The following CELF2 variants were observed in gnomAD, a reference collection of about 807,000 sequenced individuals.
The protein encoded by CELF2 is CUGBP Elav-like family member 2, also known as CUG triplet repeat RNA-binding protein 2.
In CELF2, 8 loss-of-function variants were observed where a neutral mutation model predicts 62.6. That is an observed-to-expected ratio of 0.13 (90% confidence interval 0.07 to 0.23). The LOEUF is 0.23. Ranked by LOEUF, CELF2 falls within the 10% of genes least tolerant of loss-of-function variation. The probability of loss-of-function intolerance (pLI) is 1.00; values close to 1 mark genes in which losing one functional copy is unlikely to be tolerated. For missense variants in CELF2, 333 were observed against 671.0 expected, an observed-to-expected ratio of 0.50 and a Z score of 5.56; for synonymous variants, 258 against 250.0, an observed-to-expected ratio of 1.03 and a Z score of -0.30.
chr10:10,748,735 G>A, the CELF2 span, among the ~76,000 whole-genome samples: 27 of 121,566 alleles, frequency 2.2e-4, no homozygotes, highest in Admixed American at 1.7e-3. Flanking sequence ...GTGACAGAGC[G>A]AGACTCTGTC....
chr10:10,775,050 G>A, the CELF2 span, among the ~76,000 whole-genome samples: 1 of 151,854 alleles, frequency 6.6e-6, no homozygotes, highest in Admixed American at 6.6e-5. Flanking sequence ...GCTAATTTTT[G>A]TATTTTCAGT....
the CELF2 span, among the ~76,000 whole-genome samples, chr10:10,605,775 C>A: frequency 1.3e-5 from 2 of 152,234 alleles, no homozygotes; most frequent in Non-Finnish European, 1.5e-5. Context: ...TGAGAAACAG[C>A]AAAGTCATAT....
chr10:10,582,718 G>T, the CELF2 span, among the ~76,000 whole-genome samples: 19 of 152,092 alleles, frequency 1.2e-4, no homozygotes, highest in African/African-American at 4.1e-4. Flanking sequence ...TTATTTCATG[G>T]TGTTTTTCCC....
At chr10:10,818,223 A>G (rs1245670553) in intron 1 of CELF2, among the ~76,000 whole-genome samples, 12 of 152,186 alleles carry the variant, frequency 7.9e-5, no homozygotes, top group Admixed American at 7.9e-4. Flanking sequence ...CAAGGCCTCC[A>G]GGAACTCCTC....
the CELF2 span, among the ~76,000 whole-genome samples, chr10:10,690,688 T>G: frequency 6.6e-6 from 1 of 152,182 alleles, no homozygotes; most frequent in East Asian, 1.9e-4. Context: ...GAGAACAGTG[T>G]GGCCATGATG....
intron 1 of CELF2, among the ~76,000 whole-genome samples, chr10:10,869,163 T>TA (rs2060568341): frequency 1.3e-5 from 2 of 151,914 alleles, no homozygotes; most frequent in Non-Finnish European, 2.9e-5. Flanking sequence ...TAGATAGGTC[T>TA]AAAAAAAAGT....
the CELF2 span, among the ~76,000 whole-genome samples, chr10:10,531,195 T>G: frequency 6.6e-6 from 1 of 152,224 alleles, no homozygotes; most frequent in African/African-American, 2.4e-5. Flanking sequence ...TAAACTGATA[T>G]TCCTTTAAAA....
the CELF2 span, among the ~76,000 whole-genome samples, chr10:10,710,625 T>G: frequency 1.3e-5 from 2 of 152,172 alleles, no homozygotes; most frequent in Non-Finnish European, 2.9e-5. Flanking sequence ...ATCTGATTTT[T>G]TTTTTCTCAC....
the CELF2 span, among the ~76,000 whole-genome samples, chr10:10,623,261 CAG>C: frequency 6.6e-6 from 1 of 152,126 alleles, no homozygotes; most frequent in Non-Finnish European, 1.5e-5. Context: ...TCTTATTCCT[CAG>C]AGAGCAGCGA....
intron 1 of CELF2, among the ~76,000 whole-genome samples, chr10:11,025,337 T>C (rs1316980463): frequency 6.6e-6 from 1 of 152,026 alleles, no homozygotes; most frequent in Non-Finnish European, 1.5e-5. Flanking sequence ...GTAGTCACCA[T>C]AGTCCCCACG....
chr10:10,750,295 A>G, the CELF2 span, among the ~76,000 whole-genome samples: 2 of 152,094 alleles, frequency 1.3e-5, no homozygotes, highest in Non-Finnish European at 1.5e-5. Flanking sequence ...AAAAAAAAAA[A>G]AAAAGAAAAG....
the CELF2 span, among the ~76,000 whole-genome samples, chr10:10,493,848 T>C: frequency 2.6e-5 from 4 of 152,164 alleles, no homozygotes; most frequent in African/African-American, 9.7e-5. Context: ...GCCCAAACTG[T>C]TTAACAAGCG....
intron 1 of CELF2, among the ~76,000 whole-genome samples, chr10:11,040,618 A>C (rs748115637): frequency 6.6e-6 from 1 of 152,048 alleles, no homozygotes; most frequent in African/African-American, 2.4e-5. Context: ...GGTTCAACAA[A>C]TGCTTTTAAA....
chr10:10,623,042 C>T, the CELF2 span, among the ~76,000 whole-genome samples: 4 of 132,534 alleles, frequency 3.0e-5, no homozygotes, highest in Non-Finnish European at 3.1e-5. Flanking sequence ...GCCGAGATTG[C>T]GCCACAGCAC....
chr10:10,835,800 C>T (rs571420649), intron 1 of CELF2, among the ~76,000 whole-genome samples: 1 of 152,278 alleles, frequency 6.6e-6, no homozygotes, highest in East Asian at 1.9e-4. Flanking sequence ...TCATGGGGGA[C>T]ACAGACAACA....
At chr10:10,466,842 T>G in the CELF2 span, among the ~76,000 whole-genome samples, 2 of 152,088 alleles carry the variant, frequency 1.3e-5, no homozygotes, top group African/African-American at 4.8e-5. Context: ...TGGCTTATGG[T>G]AAAGTATCTG....
chr10:11,197,021 AAAGAAAAGAAAGAAAGAAAG>A (rs1565230494), intron 2 of CELF2, among the ~76,000 whole-genome samples: 51 of 9,100 alleles, frequency 5.6e-3, no homozygotes, highest in African/African-American at 0.028. Context: ...AGAAAGAAAG[AAAGAAAAGAAAGAAAGAAAG>A]AAAGAAAGAA....
intron 1 of CELF2, among the ~76,000 whole-genome samples, chr10:11,009,541 C>T (rs1043349660): frequency 6.6e-6 from 1 of 152,040 alleles, no homozygotes; most frequent in East Asian, 1.9e-4. Context: ...GTGACTGATC[C>T]GGCACATTTT....
At chr10:10,605,837 A>C in the CELF2 span, among the ~76,000 whole-genome samples, 13 of 152,226 alleles carry the variant, frequency 8.5e-5, no homozygotes, top group African/African-American at 2.9e-4. Context: ...CAGTCCAAAA[A>C]ACTTAGTTCA....
Sources: allele counts gnomAD v4.1 joint callset (sites outside exome capture counted in the v4.1 genomes callset), GRCh38; gene constraint gnomAD v4.1.1; transcripts MANE v1.5; gene names NCBI Gene and HGNC (gene_info 2026-07-23, HGNC 2026-07-21).